The following KCNMB2 variants were observed in gnomAD, a reference collection of about 807,000 sequenced individuals.
The protein encoded by KCNMB2 is calcium-activated potassium channel subunit beta-2.
A neutral mutation model predicts 24.5 loss-of-function variants in KCNMB2; 9 were observed. The ratio of observed to expected loss-of-function variants is 0.37; its 90% CI spans 0.22 to 0.64. KCNMB2 has a LOEUF of 0.64. Among genes scored for constraint, KCNMB2 ranks in the 30% least tolerant of loss-of-function variants. The pLI is 0.63. For missense variants in KCNMB2, 226 were observed against 284.3 expected (o/e 0.79, Z 1.47); for synonymous variants, 109 against 104.4 (o/e 1.04, Z -0.27).
At chr3:178,788,499 C>A (rs1713196445) in intron 1 of KCNMB2, among the ~76,000 whole-genome samples, 1 of 152,190 alleles carries the variant, frequency 6.6e-6, no homozygotes, top group East Asian at 1.9e-4. Context: ...ATGGAAAAAA[C>A]TAACATTTAC....
chr3:178,672,237 C>T (rs1344179496), intron 1 of KCNMB2, among the ~76,000 whole-genome samples: 3 of 152,096 alleles, frequency 2.0e-5, no homozygotes, highest in Non-Finnish European at 4.4e-5. Flanking sequence ...TATGTAAAGC[C>T]TTGTCACATG....
intron 1 of KCNMB2, among the ~76,000 whole-genome samples, chr3:178,674,163 G>C (rs2108586444): frequency 6.6e-6 from 1 of 151,428 alleles, no homozygotes; most frequent in South Asian, 2.1e-4. Flanking sequence ...ACTCTCCTCT[G>C]TTTTACTCCT....
chr3:178,833,628 G>A (rs1034158953), intron 4 of KCNMB2, among the ~76,000 whole-genome samples: 1 of 152,154 alleles, frequency 6.6e-6, no homozygotes. Context: ...ACCAAGAAAT[G>A]GGCATGGTTG....
chr3:178,771,478 T>G (rs1242255174), intron 1 of KCNMB2, among the ~76,000 whole-genome samples: 1 of 131,396 alleles, frequency 7.6e-6, no homozygotes, highest in Non-Finnish European at 1.6e-5. Context: ...TCTTTCTTTT[T>G]TTTTTTTTTT....
intron 3 of KCNMB2, 50 bp downstream of exon 3, chr3:178,825,808 C>T (rs746155568): frequency 3.6e-5 from 53 of 1,485,678 alleles, no homozygotes; most frequent in Non-Finnish European, 4.3e-5. Context: ...CTGCTCCATC[C>T]TCCCCCATCA....
At chr3:178,604,959 C>T (rs537728824) in intron 1 of KCNMB2, among the ~76,000 whole-genome samples, 299 of 152,238 alleles carry the variant, frequency 2.0e-3, no homozygotes, top group Non-Finnish European at 3.7e-3. Flanking sequence ...CCAACAGAAT[C>T]ATAAAACTGA....
At chr3:178,608,387 C>G (rs1449701187) in intron 1 of KCNMB2, among the ~76,000 whole-genome samples, 2 of 151,750 alleles carry the variant, frequency 1.3e-5, no homozygotes, top group African/African-American at 4.8e-5. Context: ...TTAATTTATC[C>G]TTTTTTTAAT....
chr3:178,745,415 ATTC>A (rs1723632451), intron 1 of KCNMB2, among the ~76,000 whole-genome samples: 2 of 152,284 alleles, frequency 1.3e-5, no homozygotes, highest in South Asian at 4.1e-4. Context: ...CGCCCCCATG[ATTC>A]AATTACCTCC....
At chr3:178,825,816 T>C (rs535691902) in intron 3 of KCNMB2, 58 bp downstream of exon 3, 1 of 1,409,980 alleles carries the variant, frequency 7.1e-7, no homozygotes, top group South Asian at 1.3e-5. Context: ...TCCTCCCCCA[T>C]CACTTAGGCA....
At chr3:178,759,989 G>A (rs1412094428) in intron 1 of KCNMB2, among the ~76,000 whole-genome samples, 1 of 6,626 alleles carries the variant, frequency 1.5e-4, no homozygotes, top group Non-Finnish European at 2.4e-4. Context: ...TATCCAAGAG[G>A]ATATATATAT....
chr3:178,742,594 T>C (rs35282710), intron 1 of KCNMB2, among the ~76,000 whole-genome samples: 18,075 of 152,188 alleles, frequency 0.12, 1,170 homozygotes, highest in Non-Finnish European at 0.14. Context: ...AGCAAGTCTG[T>C]CACTGGTATA....
chr3:178,728,587 T>C (rs1399349274), intron 1 of KCNMB2, among the ~76,000 whole-genome samples: 1 of 152,102 alleles, frequency 6.6e-6, no homozygotes, highest in African/African-American at 2.4e-5. Context: ...TCTTGACAAC[T>C]CTTTGCAAGA....
chr3:178,751,573 CAAAAAAAAAAAAAAAAAAAAAA>C (rs61148761), intron 1 of KCNMB2, among the ~76,000 whole-genome samples: 2 of 47,712 alleles, frequency 4.2e-5, no homozygotes, highest in African/African-American at 1.8e-4. Context: ...GACTCCGTCT[CAAAAAAAAAAAAAAAAAAAAAA>C]AAAAAAAAAA....
At chr3:178,602,322 G>A (rs1003346853) in intron 1 of KCNMB2, among the ~76,000 whole-genome samples, 5 of 151,936 alleles carry the variant, frequency 3.3e-5, no homozygotes, top group Admixed American at 6.6e-5. Flanking sequence ...TATATATATC[G>A]ATTTTTTTTG....
chr3:178,781,523 C>G (rs997428031), intron 1 of KCNMB2, among the ~76,000 whole-genome samples: 2 of 152,046 alleles, frequency 1.3e-5, no homozygotes, highest in African/African-American at 2.4e-5. Context: ...GCCAAGGAGA[C>G]AGAGGTTGCA....
At chr3:178,804,570 T>C (rs1447778209) in intron 1 of KCNMB2, among the ~76,000 whole-genome samples, 2 of 152,174 alleles carry the variant, frequency 1.3e-5, no homozygotes, top group East Asian at 3.8e-4. Flanking sequence ...ATATTTAATC[T>C]CCCTCTTTCT....
At position 178,754,177 on chromosome 3, in the gene KCNMB2, T is replaced by TACAC. The variant is rs1282906632; in HGVS notation, c.-67-53154_-67-53151dup. The stretch of plus-strand genomic sequence containing the variant: ...ATATATATATATATATATATATATA[T>TACAC]ACACACACACACACATACATATATA... On this transcript the variant is annotated intron_variant, in intron 1 of 4. Coordinates refer to ENST00000452583, the MANE Select transcript of KCNMB2 (RefSeq NM_181361.3). Among the ~76,000 whole-genome samples, 685 of 117,008 alleles carry TACAC rather than the reference T, an allele frequency of 5.9e-3. 5 individuals are homozygous for TACAC. The highest frequency in any genetic ancestry group is 0.012 in the African/African-American group (314 of 26,806). 76.8% of individuals were successfully genotyped at this position (117,008 alleles called of 152,430 possible).
intron 1 of KCNMB2, among the ~76,000 whole-genome samples, chr3:178,762,480 T>A (rs1711943222): frequency 6.6e-6 from 1 of 152,148 alleles, no homozygotes; most frequent in Non-Finnish European, 1.5e-5. Context: ...AATTCAGATT[T>A]CAAGAGCAAT....
rs1241774780 is a variant in KCNMB2 at position 178,757,682 on chromosome 3, ATATATATATG to A, written c.-67-49651_-67-49642del. ...TATATATGTATATATATCCAAGAGGATATATATATGTATATATATCCAAGAGGATATATAT... is the reference window on the plus strand; with the variant it reads ...TATATATGTATATATATCCAAGAGGATATATATATCCAAGAGGATATATAT... On this transcript the variant is annotated intron_variant, in intron 1 of 4. Coordinates refer to ENST00000452583, the MANE Select transcript of KCNMB2 (RefSeq NM_181361.3). 2.1e-3 allele frequency among the ~76,000 whole-genome samples: 48 copies of A among 22,422 alleles called. 1 individual carries two copies. Among genetic ancestry groups the A allele is most frequent in the African/African-American group, 3.8e-3 (13 of 3,406 alleles). The allele number at this position is 22,422 out of a possible 152,430, so 14.7% of individuals were successfully genotyped here.
Sources: allele counts gnomAD v4.1 joint callset (sites outside exome capture counted in the v4.1 genomes callset), GRCh38; gene constraint gnomAD v4.1.1; transcripts MANE v1.5; gene names NCBI Gene and HGNC (gene_info 2026-07-23, HGNC 2026-07-21).